CHN2: variants seen among roughly 807,000 people sequenced by gnomAD.
CHN2 encodes beta-chimaerin.
A neutral mutation model predicts 56.3 loss-of-function variants in CHN2; 35 were observed. The observed-to-expected ratio is 0.62, with a 90% confidence interval of 0.47 to 0.82. The LOEUF (loss-of-function observed/expected upper bound fraction) is 0.82. Ranked by LOEUF, CHN2 falls within the 40% of genes least tolerant of loss-of-function variation. CHN2 has a pLI of 0.00. For missense variants in CHN2, 491 were observed against 580.5 expected (o/e 0.85, Z 1.58); for synonymous variants, 210 against 212.8 (o/e 0.99, Z 0.12).
chr7:29,403,326 G>C (rs1008001618), intron 6 of CHN2, among the ~76,000 whole-genome samples: 3 of 131,392 alleles, frequency 2.3e-5, no homozygotes, highest in Admixed American at 7.9e-5. Context: ...AAGAGTGGGT[G>C]GGGGGAGGGT....
intron 3 of CHN2, among the ~76,000 whole-genome samples, chr7:29,390,238 T>A (rs1801255552): frequency 6.6e-6 from 1 of 152,112 alleles, no homozygotes; most frequent in African/African-American, 2.4e-5. Context: ...AAGGACCCAG[T>A]ATTAGAAGAA....
At chr7:29,153,877 T>C (rs539589599) in intron 2 of CHN2, among the ~76,000 whole-genome samples, 2 of 152,174 alleles carry the variant, frequency 1.3e-5, no homozygotes, top group African/African-American at 2.4e-5. Flanking sequence ...GCCTCCCTTA[T>C]GATTTTCTTA....
chr7:29,169,801 G>A (rs1796361203), intron 2 of CHN2, among the ~76,000 whole-genome samples: 1 of 151,444 alleles, frequency 6.6e-6, no homozygotes, highest in Non-Finnish European at 1.5e-5. Context: ...TTATTCCATG[G>A]CTACCTGGCA....
At chr7:29,278,003 G>T (rs981580968) in intron 1 of CHN2, among the ~76,000 whole-genome samples, 1 of 152,118 alleles carries the variant, frequency 6.6e-6, no homozygotes, top group Admixed American at 6.6e-5. Flanking sequence ...CAGTCATATA[G>T]CGAGTATGTG....
At chr7:29,207,308 G>T (rs988128638) in intron 1 of CHN2, among the ~76,000 whole-genome samples, 8 of 152,128 alleles carry the variant, frequency 5.3e-5, no homozygotes, top group African/African-American at 1.9e-4. Context: ...ACATGGGGGT[G>T]CCCCTTCTCT....
At chr7:29,362,966 A>G (rs567359035) in intron 2 of CHN2, among the ~76,000 whole-genome samples, 1 of 152,228 alleles carries the variant, frequency 6.6e-6, no homozygotes, top group Non-Finnish European at 1.5e-5. Context: ...CACACTTCCC[A>G]TATATCACTG....
chr7:29,440,346 A>G (rs1042164236), intron 6 of CHN2, among the ~76,000 whole-genome samples: 1 of 152,122 alleles, frequency 6.6e-6, no homozygotes, highest in African/African-American at 2.4e-5. Flanking sequence ...AATAATATAT[A>G]TGTTAGAGGG....
chr7:29,476,440 C>T (rs1045710470), intron 6 of CHN2, among the ~76,000 whole-genome samples: 53 of 151,456 alleles, frequency 3.5e-4, no homozygotes, highest in African/African-American at 1.2e-3. Context: ...GGGAGTCTGA[C>T]GCAAGAGAAT....
intron 6 of CHN2, among the ~76,000 whole-genome samples, chr7:29,458,019 C>T (rs1415068120): frequency 6.6e-6 from 1 of 152,128 alleles, no homozygotes; most frequent in Non-Finnish European, 1.5e-5. Flanking sequence ...GTTTCAATTC[C>T]CCACTCTTTT....
intron 1 of CHN2, among the ~76,000 whole-genome samples, chr7:29,317,909 A>C (rs1795071571): frequency 1.3e-5 from 2 of 152,196 alleles, no homozygotes; most frequent in Non-Finnish European, 2.9e-5. Flanking sequence ...GCTTGAGCCC[A>C]GGCGGCAGAG....
intron 1 of CHN2, among the ~76,000 whole-genome samples, chr7:29,203,048 C>A (rs1168984362): frequency 6.6e-6 from 1 of 152,168 alleles, no homozygotes; most frequent in East Asian, 1.9e-4. Flanking sequence ...CATGGCTAGT[C>A]TGAATTGAGA....
chr7:29,344,744 C>T (rs1272609755), intron 1 of CHN2, among the ~76,000 whole-genome samples: 1 of 152,076 alleles, frequency 6.6e-6, no homozygotes, highest in Non-Finnish European at 1.5e-5. Context: ...GGTTTCACTC[C>T]TCTGAGACTG....
At chr7:29,479,884 A>C (rs533387804) in intron 6 of CHN2, 93 of 1,401,704 alleles carry the variant, frequency 6.6e-5, no homozygotes, top group Non-Finnish European at 8.5e-5. Flanking sequence ...TTCCAGGCGC[A>C]CGTCGGCCTT....
chr7:29,352,729 C>A (rs1344982790), intron 1 of CHN2, among the ~76,000 whole-genome samples: 1 of 151,822 alleles, frequency 6.6e-6, no homozygotes, highest in Non-Finnish European at 1.5e-5. Context: ...TCTCAAAAAA[C>A]AAACAAACAA....
At position 29,228,385 on chromosome 7, in the gene CHN2, G is replaced by A. The variant is rs1168734051; in HGVS notation, c.49+33395G>A. Among the ~76,000 whole-genome samples the A allele has an allele frequency of 3.9e-5, 6 of 152,106 alleles. No individual in the cohort carries two copies. In the East Asian group the frequency reaches 1.2e-3, roughly 29 times the overall value. On this transcript the variant is annotated intron_variant, in intron 1 of 12. Coordinates refer to ENST00000222792, the MANE Select transcript of CHN2 (RefSeq NM_004067.4). ...GTAATTGCCTACAGTATTCAGTATA[G>A]TACCATGCTGTACAGGTTTGTAGCC...
At position 29,269,442 on chromosome 7, in the gene CHN2, C is replaced by G. The variant is rs571432581; in HGVS notation, c.49+74452C>G. ...GTACGTGTACCACATTTTCTTTATCCATGCACCTGTTGATGGACACTTAGG... is the reference window on the plus strand; with the variant it reads ...GTACGTGTACCACATTTTCTTTATCGATGCACCTGTTGATGGACACTTAGG... On this transcript the variant is annotated intron_variant, in intron 1 of 12. Transcript: ENST00000222792. 1.4e-4 allele frequency among the ~76,000 whole-genome samples: 22 copies of G among 152,192 alleles called. No homozygotes were observed. In the South Asian group the frequency reaches 4.6e-3, roughly 32 times the overall value.
intron 1 of CHN2, among the ~76,000 whole-genome samples, chr7:29,353,818 A>AT (rs897699893): frequency 3.4e-4 from 51 of 152,056 alleles, no homozygotes; most frequent in African/African-American, 1.2e-3. Flanking sequence ...GAAAAAAAGG[A>AT]TTTTTTTCTG....
At chr7:29,181,583 G>A (rs780218339) in intron 2 of CHN2, among the ~76,000 whole-genome samples, 35 of 152,290 alleles carry the variant, frequency 2.3e-4, no homozygotes, top group South Asian at 6.2e-4. Flanking sequence ...GCCATTAAAA[G>A]TCACATTAGG....
chr7:29,277,529 C>T (rs1018613719), intron 1 of CHN2, among the ~76,000 whole-genome samples: 7 of 152,198 alleles, frequency 4.6e-5, no homozygotes, highest in African/African-American at 1.7e-4. Context: ...AAGCATTCAC[C>T]AGGAGCTACA....
Sources: allele counts gnomAD v4.1 joint callset (sites outside exome capture counted in the v4.1 genomes callset), GRCh38; gene constraint gnomAD v4.1.1; transcripts MANE v1.5; gene names NCBI Gene and HGNC (gene_info 2026-07-23, HGNC 2026-07-21).